MARCHF1: variants seen among roughly 807,000 people sequenced by gnomAD.
The protein encoded by MARCHF1 is membrane associated ring-CH-type finger 1, also known as E3 ubiquitin-protein ligase MARCHF1.
In MARCHF1, 40 loss-of-function variants were observed where a neutral mutation model predicts 54.2. That is an observed-to-expected ratio of 0.74 (90% CI 0.57 to 0.96). MARCHF1 has a LOEUF of 0.96. Ranked by LOEUF, MARCHF1 falls within the 40% of genes least tolerant of loss-of-function variation. MARCHF1 has a pLI of 0.00. For missense variants in MARCHF1, 586 were observed against 656.5 expected, an observed-to-expected ratio of 0.89 and a Z score of 1.17; for synonymous variants, 236 against 236.3, an observed-to-expected ratio of 1.00 and a Z score of 0.01.
chr4:163,634,398 G>C (rs1742232428), intron 5 of MARCHF1, among the ~76,000 whole-genome samples: 1 of 148,086 alleles, frequency 6.8e-6, no homozygotes, highest in Non-Finnish European at 1.5e-5. Flanking sequence ...AAGGATGGAG[G>C]AAGATCTACC....
intron 2 of MARCHF1, among the ~76,000 whole-genome samples, chr4:164,080,386 A>G (rs1340651001): frequency 6.6e-6 from 1 of 152,234 alleles, no homozygotes; most frequent in East Asian, 1.9e-4. Flanking sequence ...TTAGTTATAC[A>G]TTAATAGATC....
chr4:163,621,008 CTTAT>C (rs1315434409), intron 5 of MARCHF1, among the ~76,000 whole-genome samples: 5 of 152,132 alleles, frequency 3.3e-5, no homozygotes, highest in African/African-American at 1.2e-4. Flanking sequence ...AAACTCTTTG[CTTAT>C]TTAAAGTCTT....
chr4:163,760,768 G>T (rs1342989778), intron 4 of MARCHF1, among the ~76,000 whole-genome samples: 1 of 152,008 alleles, frequency 6.6e-6, no homozygotes, highest in African/African-American at 2.4e-5. Context: ...TTATTTTATG[G>T]TGTGCCTAAT....
intron 3 of MARCHF1, among the ~76,000 whole-genome samples, chr4:163,912,734 G>T (rs72685675): frequency 0.11 from 15,985 of 152,140 alleles, 891 homozygotes; most frequent in Non-Finnish European, 0.13. Flanking sequence ...ATATACCGTG[G>T]CTGCATAAGA....
chr4:164,038,989 A>G (rs934777866), intron 2 of MARCHF1, among the ~76,000 whole-genome samples: 3 of 152,204 alleles, frequency 2.0e-5, no homozygotes, highest in Non-Finnish European at 4.4e-5. Context: ...ATAAAGCTGA[A>G]TAAGATAAAC....
At chr4:164,065,590 T>C (rs560963307) in intron 2 of MARCHF1, among the ~76,000 whole-genome samples, 2 of 152,028 alleles carry the variant, frequency 1.3e-5, no homozygotes, top group African/African-American at 2.4e-5. Flanking sequence ...TATATATACA[T>C]GAAAAGGAGT....
chr4:163,567,141 A>G (rs965604315), intron 8 of MARCHF1, among the ~76,000 whole-genome samples: 67 of 152,276 alleles, frequency 4.4e-4, no homozygotes, highest in African/African-American at 1.6e-3. Flanking sequence ...TAATAACAAA[A>G]AATTCTAGCT....
At chr4:164,021,810 C>T (rs1287100014) in intron 2 of MARCHF1, among the ~76,000 whole-genome samples, 1 of 150,992 alleles carries the variant, frequency 6.6e-6, no homozygotes, top group Non-Finnish European at 1.5e-5. Flanking sequence ...GCTGAGATTG[C>T]TCCATTGCAT....
intron 4 of MARCHF1, among the ~76,000 whole-genome samples, chr4:163,727,780 C>T (rs1481756696): frequency 1.3e-5 from 2 of 152,084 alleles, no homozygotes; most frequent in Admixed American, 6.5e-5. Flanking sequence ...TCAAATGATC[C>T]TCCCACTTCA....
At chr4:164,075,696 T>C (rs1754962269) in intron 2 of MARCHF1, among the ~76,000 whole-genome samples, 1 of 152,240 alleles carries the variant, frequency 6.6e-6, no homozygotes, top group South Asian at 2.1e-4. Flanking sequence ...CTGAGCTCTA[T>C]TTGGTCTTTA....
chr4:163,673,433 T>G (rs1392742956), intron 5 of MARCHF1, among the ~76,000 whole-genome samples: 2 of 152,190 alleles, frequency 1.3e-5, no homozygotes, highest in Non-Finnish European at 2.9e-5. Flanking sequence ...CTTTTTCTTT[T>G]TTGGCTTTTT....
intron 5 of MARCHF1, among the ~76,000 whole-genome samples, chr4:163,633,699 C>T (rs1469846620): frequency 6.6e-6 from 1 of 152,106 alleles, no homozygotes; most frequent in Non-Finnish European, 1.5e-5. Context: ...AGAACTTCCC[C>T]AATCTAGCAA....
chr4:163,763,397 G>T (rs1056246423), intron 4 of MARCHF1, among the ~76,000 whole-genome samples: 2 of 151,922 alleles, frequency 1.3e-5, no homozygotes, highest in African/African-American at 2.4e-5. Context: ...ATTTACCAAG[G>T]TTTACCAAAA....
chr4:163,571,605 CTTTG>C (rs1281205108), intron 8 of MARCHF1, among the ~76,000 whole-genome samples: 3 of 152,190 alleles, frequency 2.0e-5, no homozygotes, highest in South Asian at 2.1e-4. Flanking sequence ...AATTTGTTAA[CTTTG>C]TTTATTGATA....
At chr4:164,013,721 C>T (rs571683093) in intron 2 of MARCHF1, among the ~76,000 whole-genome samples, 8 of 134,334 alleles carry the variant, frequency 6.0e-5, no homozygotes, top group Non-Finnish European at 1.3e-4. Flanking sequence ...AGTGAGATGA[C>T]GAAGTCAAAG....
At chr4:163,976,051 C>T (rs930853996) in intron 3 of MARCHF1, among the ~76,000 whole-genome samples, 3 of 152,070 alleles carry the variant, frequency 2.0e-5, no homozygotes, top group Non-Finnish European at 4.4e-5. Context: ...AACAGTGGAA[C>T]CAAGAATGTC....
At chr4:163,689,828 A>G (rs1222258298) in intron 5 of MARCHF1, among the ~76,000 whole-genome samples, 1 of 152,210 alleles carries the variant, frequency 6.6e-6, no homozygotes, top group Non-Finnish European at 1.5e-5. Context: ...AAGTCTACTA[A>G]TTTATATTAT....
At chr4:164,022,682 C>T (rs4507321) in intron 2 of MARCHF1, among the ~76,000 whole-genome samples, 125,901 of 152,208 alleles carry the variant, frequency 0.83, 52,198 homozygotes, top group Admixed American at 0.88. Flanking sequence ...GGAGCAGCTG[C>T]GGCGGAGTGC....
At chr4:163,793,924 C>A (rs1038384202) in intron 4 of MARCHF1, among the ~76,000 whole-genome samples, 7 of 152,154 alleles carry the variant, frequency 4.6e-5, no homozygotes, top group Non-Finnish European at 1.0e-4. Flanking sequence ...GTGAGTCTTG[C>A]CGAAGCTCCC....
Sources: allele counts gnomAD v4.1 joint callset (sites outside exome capture counted in the v4.1 genomes callset), GRCh38; gene constraint gnomAD v4.1.1; transcripts MANE v1.5; gene names NCBI Gene and HGNC (gene_info 2026-07-23, HGNC 2026-07-21).